Variants in RBFOX1 observed in about 807,000 individuals in gnomAD.
RBFOX1 encodes RNA binding protein fox-1 homolog 1.
A neutral mutation model predicts 57.7 loss-of-function variants in RBFOX1; 8 were observed. The observed-to-expected ratio is 0.14, with a 90% CI of 0.08 to 0.25. The LOEUF (loss-of-function observed/expected upper bound fraction) is 0.25. RBFOX1 is among the 10% of genes least tolerant of loss of function. The pLI, the probability that RBFOX1 is intolerant of heterozygous loss-of-function variation, is 1.00. For missense variants in RBFOX1, 611 were observed against 548.5 expected, an observed-to-expected ratio of 1.11 and a Z score of -1.14; for synonymous variants, 326 against 222.4, an observed-to-expected ratio of 1.47 and a Z score of -4.15.
chr16:5,758,181 A>G (rs2053466345), intron 3 of RBFOX1, among the ~76,000 whole-genome samples: 1 of 152,240 alleles, frequency 6.6e-6, no homozygotes, highest in Non-Finnish European at 1.5e-5. Flanking sequence ...GAACTCTGCC[A>G]TCCATTGGCT....
intron 14 of RBFOX1, among the ~76,000 whole-genome samples, chr16:7,682,827 C>T (rs1443168163): frequency 6.7e-6 from 1 of 149,000 alleles, no homozygotes; most frequent in Non-Finnish European, 1.5e-5. Context: ...CTAACAGATC[C>T]ATTTTGTTGT....
At chr16:7,338,744 G>C (rs952515625) in intron 4 of RBFOX1, among the ~76,000 whole-genome samples, 1 of 152,184 alleles carries the variant, frequency 6.6e-6, no homozygotes, top group Admixed American at 6.5e-5. Flanking sequence ...AATGGACAGA[G>C]AGTAACCATC....
At chr16:6,886,298 G>A (rs552135559) in intron 3 of RBFOX1, among the ~76,000 whole-genome samples, 3 of 151,882 alleles carry the variant, frequency 2.0e-5, no homozygotes, top group Non-Finnish European at 4.4e-5. Context: ...TTGACCTCAC[G>A]TGATCTGCCC....
At chr16:6,264,373 A>T (rs2097720361) in intron 1 of RBFOX1, among the ~76,000 whole-genome samples, 1 of 152,194 alleles carries the variant, frequency 6.6e-6, no homozygotes, top group African/African-American at 2.4e-5. Flanking sequence ...AGAGTCATCA[A>T]AGTGGCTGTT....
intron 4 of RBFOX1, among the ~76,000 whole-genome samples, chr16:7,347,795 G>A (rs13339670): frequency 0.16 from 24,867 of 152,038 alleles, 2,879 homozygotes; most frequent in African/African-American, 0.34. Flanking sequence ...TTTGCAGCCC[G>A]TTCAAAGTAT....
intron 1 of RBFOX1, among the ~76,000 whole-genome samples, chr16:6,034,805 T>G (rs529919167): frequency 6.6e-6 from 1 of 152,136 alleles, no homozygotes; most frequent in Non-Finnish European, 1.5e-5. Flanking sequence ...CCCTGTGGAG[T>G]AGACCCTGCT....
rs568568049 is a variant in RBFOX1 at position 7,203,153 on chromosome 16, GA to G, written c.27+151056del. On this transcript the variant is annotated intron_variant, in intron 4 of 15. Transcript: ENST00000550418. ...GGGACTAATACAAGTGTTTATCAATGATGAACAGATAAGCAAAATGTGATAC... is the reference window on the plus strand; with the variant it reads ...GGGACTAATACAAGTGTTTATCAATGTGAACAGATAAGCAAAATGTGATAC... Among the ~76,000 whole-genome samples the G allele has an allele frequency of 7.9e-5, 12 of 152,292 alleles. 1 individual carries two copies. The South Asian group carries it at 2.3e-3, about 29-fold the overall frequency.
At chr16:5,291,574 A>G (rs931479696) in intron 1 of RBFOX1, among the ~76,000 whole-genome samples, 3 of 152,060 alleles carry the variant, frequency 2.0e-5, no homozygotes, top group Non-Finnish European at 4.4e-5. Flanking sequence ...AGCTTTTATC[A>G]TTGTTAACCC....
At chr16:6,252,913 C>G (rs1161138205) in intron 1 of RBFOX1, among the ~76,000 whole-genome samples, 1 of 152,026 alleles carries the variant, frequency 6.6e-6, no homozygotes, top group Non-Finnish European at 1.5e-5. Context: ...TCAAGAACAA[C>G]AATGTATTGT....
intron 3 of RBFOX1, among the ~76,000 whole-genome samples, chr16:6,718,300 C>G (rs1357146914): frequency 6.6e-6 from 1 of 152,160 alleles, no homozygotes; most frequent in Admixed American, 6.5e-5. Flanking sequence ...GTGAATGGAA[C>G]AGACGTGCCC....
At chr16:7,234,986 C>A (rs576619486) in intron 4 of RBFOX1, among the ~76,000 whole-genome samples, 1 of 152,038 alleles carries the variant, frequency 6.6e-6, no homozygotes, top group Non-Finnish European at 1.5e-5. Flanking sequence ...TCTACCTCTG[C>A]AGTCCAAAAA....
intron 14 of RBFOX1, among the ~76,000 whole-genome samples, chr16:7,701,822 A>C (rs2080834583): frequency 6.6e-6 from 1 of 152,256 alleles, no homozygotes; most frequent in African/African-American, 2.4e-5. Flanking sequence ...TTGTAGAGTG[A>C]AAGTGAACAG....
intron 1 of RBFOX1, among the ~76,000 whole-genome samples, chr16:6,285,100 T>C (rs2076768127): frequency 6.6e-6 from 1 of 152,064 alleles, no homozygotes; most frequent in Admixed American, 6.6e-5. Flanking sequence ...AGATACTTAC[T>C]GTAGGAGTCA....
chr16:5,730,641 C>G (rs77755085), intron 3 of RBFOX1, among the ~76,000 whole-genome samples: 27,504 of 151,782 alleles, frequency 0.18, 3,992 homozygotes, highest in African/African-American at 0.39. Context: ...ATCATCACTA[C>G]CACACCACCA....
chr16:7,303,987 C>T (rs926212835), intron 4 of RBFOX1, among the ~76,000 whole-genome samples: 1 of 151,924 alleles, frequency 6.6e-6, no homozygotes, highest in African/African-American at 2.4e-5. Flanking sequence ...TGGGGGGCCC[C>T]TTCCACTTTC....
At chr16:6,604,129 G>A (rs1009703707) in intron 2 of RBFOX1, among the ~76,000 whole-genome samples, 18 of 151,822 alleles carry the variant, frequency 1.2e-4, no homozygotes, top group African/African-American at 4.4e-4. Flanking sequence ...TCCCCTTACT[G>A]TTGGCAGCAT....
At chr16:6,416,459 C>G (rs2093626971) in intron 2 of RBFOX1, among the ~76,000 whole-genome samples, 1 of 152,128 alleles carries the variant, frequency 6.6e-6, no homozygotes, top group Non-Finnish European at 1.5e-5. Flanking sequence ...CCCTCCCTGC[C>G]TCCTCCTTCT....
At chr16:5,247,372 G>C (rs1020592163) in intron 1 of RBFOX1, among the ~76,000 whole-genome samples, 1 of 152,172 alleles carries the variant, frequency 6.6e-6, no homozygotes, top group Admixed American at 6.5e-5. Context: ...GGAGAGCCCT[G>C]CCCTGGCTTT....
chr16:7,028,001 G>C (rs990170213), intron 3 of RBFOX1, among the ~76,000 whole-genome samples: 3 of 151,826 alleles, frequency 2.0e-5, no homozygotes, highest in Non-Finnish European at 4.4e-5. Flanking sequence ...CAAGAAGGAA[G>C]GGAAGAAGGA....
Sources: gnomAD v4.1 joint callset for allele counts (sites outside exome capture counted in the v4.1 genomes callset) on GRCh38, gnomAD v4.1.1 for gene constraint, MANE v1.5 for transcripts, NCBI Gene and HGNC (gene_info 2026-07-23, HGNC 2026-07-21) for gene names.